SLMAP: variants seen among roughly 807,000 people sequenced by gnomAD.
The protein encoded by SLMAP is sarcolemmal membrane-associated protein.
SLMAP carries 44 observed loss-of-function variants against 128.8 expected under a neutral mutation model. The ratio of observed to expected loss-of-function variants is 0.34; its 90% CI spans 0.27 to 0.44. The LOEUF (loss-of-function observed/expected upper bound fraction) is 0.44. SLMAP is among the 20% of genes least tolerant of loss of function. The pLI is 1.00. For missense variants in SLMAP, 787 were observed against 985.3 expected (o/e 0.80, Z 2.69); for synonymous variants, 327 against 348.8 (o/e 0.94, Z 0.70).
intron 17 of SLMAP, among the ~76,000 whole-genome samples, chr3:57,902,451 A>G (rs185257748): frequency 2.0e-4 from 31 of 152,348 alleles, no homozygotes; most frequent in Admixed American, 1.2e-3. Context: ...CATTATAACA[A>G]TTCAGTGGCT....
intron 2 of SLMAP, among the ~76,000 whole-genome samples, chr3:57,793,119 C>G (rs201734667): frequency 1.3e-5 from 2 of 151,554 alleles, no homozygotes; most frequent in African/African-American, 4.9e-5. Flanking sequence ...GCCCAGGTGA[C>G]ACCCTGTCTC....
In SLMAP at chr3:57,756,838, C is replaced by T. The variant is rs2077762942; in HGVS notation, c.-814C>T. On this transcript the variant is annotated 5_prime_UTR_variant, in exon 2 of 25. Transcript: ENST00000671191. ...CCTGGGAACTCGAGCCTCCCGGTGT[C>T]GCGCCTCGCTCGGTCCGCACCGGCC... The T allele has an allele frequency of 6.6e-6, 1 of 152,276 alleles. No homozygotes were observed. The highest frequency in any genetic ancestry group is 1.5e-5 in the Non-Finnish European group (1 of 68,130). The allele number at this position is 152,276 out of a possible 1,614,324, so 9.4% of individuals were successfully genotyped here.
At chr3:57,914,382 A>G (rs1274735074) in intron 21 of SLMAP, among the ~76,000 whole-genome samples, 1 of 152,176 alleles carries the variant, frequency 6.6e-6, no homozygotes, top group African/African-American at 2.4e-5. Context: ...CAACAGAGCC[A>G]GTCCCATGTC....
chr3:57,841,851 T>A lies in SLMAP; in HGVS notation c.419+480T>A, dbSNP rs932417837. ...GATTTTTCCAATGTCCTATTTACTT[T>A]TTGTATGAAGGAGTGTAAAGGTCAT... On this transcript the variant is annotated intron_variant, in intron 4 of 24. Coordinates refer to ENST00000671191, the MANE Select transcript of SLMAP (RefSeq NM_001377540.1). 2.0e-5 allele frequency among the ~76,000 whole-genome samples: 3 copies of A among 152,110 alleles called. No homozygotes were observed. In the East Asian group the frequency reaches 5.8e-4, roughly 29 times the overall value.
At chr3:57,805,563 C>G (rs1484321789) in intron 2 of SLMAP, among the ~76,000 whole-genome samples, 3 of 152,182 alleles carry the variant, frequency 2.0e-5, no homozygotes, top group African/African-American at 7.2e-5. Context: ...TGTCGTAATT[C>G]AGGGCCTTAT....
At chr3:57,924,047 C>T (rs532476740) in intron 23 of SLMAP, among the ~76,000 whole-genome samples, 2 of 152,312 alleles carry the variant, frequency 1.3e-5, no homozygotes, top group African/African-American at 4.8e-5. Flanking sequence ...GGTTTGGTTA[C>T]TTCTCTTTTG....
At chr3:57,854,336 G>A (rs1577708445) in intron 6 of SLMAP, among the ~76,000 whole-genome samples, 1 of 156 alleles carries the variant, frequency 6.4e-3, no homozygotes, top group East Asian at 0.25. Flanking sequence ...GGGGCTCTTG[G>A]CCTGTAATCC....
chr3:57,847,391 A>G (rs1420669621), intron 5 of SLMAP, among the ~76,000 whole-genome samples, 158 bp downstream of exon 5: 1 of 152,218 alleles, frequency 6.6e-6, no homozygotes, highest in African/African-American at 2.4e-5. Context: ...CTGATCTTCA[A>G]TATCTGGAGA....
At chr3:57,873,655 C>T (rs2095535432) in intron 14 of SLMAP, among the ~76,000 whole-genome samples, 1 of 152,124 alleles carries the variant, frequency 6.6e-6, no homozygotes, top group Non-Finnish European at 1.5e-5. Flanking sequence ...TCCACTGATA[C>T]CAACTAAAAG....
At chr3:57,906,212 C>G (rs140005868) in intron 17 of SLMAP, among the ~76,000 whole-genome samples, 1 of 150,912 alleles carries the variant, frequency 6.6e-6, no homozygotes, top group Non-Finnish European at 1.5e-5. Context: ...ATCTCTCTCT[C>G]TACATGCCCC....
At chr3:57,926,828 C>A (rs533113076) in intron 24 of SLMAP, among the ~76,000 whole-genome samples, 2 of 152,300 alleles carry the variant, frequency 1.3e-5, no homozygotes, top group South Asian at 4.1e-4. Flanking sequence ...GTTGGACGAC[C>A]AAAGCCTAGA....
intron 15 of SLMAP, among the ~76,000 whole-genome samples, chr3:57,895,350 TTTTGAGACAGAGTC>T (rs1246558539): frequency 6.6e-6 from 1 of 152,106 alleles, no homozygotes; most frequent in Admixed American, 6.5e-5. Flanking sequence ...TCTTTCTTTA[TTTTGAGACAGAGTC>T]TTGCTCTGTC....
At chr3:57,840,639 A>C (rs545419364) in intron 3 of SLMAP, among the ~76,000 whole-genome samples, 5 of 152,346 alleles carry the variant, frequency 3.3e-5, no homozygotes, top group African/African-American at 1.2e-4. Context: ...AACAGTGAGA[A>C]GCTGTCTACA....
In SLMAP at chr3:57,757,885, C is replaced by T. The variant is rs147965227; in HGVS notation, c.198+36C>T. On this transcript the variant is annotated intron_variant, in intron 2 of 24. Transcript: ENST00000671191. ...CACATTGTCCAGCGGCATTGTTTAA[C>T]AAACTTTTTTTCCCCTTTTGCCCTC... The T allele has an allele frequency of 8.5e-5, 137 of 1,603,066 alleles. 1 individual carries two copies. In the African/African-American group the frequency reaches 1.6e-3, roughly 19 times the overall value.
At chr3:57,913,613 C>T (rs1226301475) in intron 21 of SLMAP, among the ~76,000 whole-genome samples, 2 of 152,192 alleles carry the variant, frequency 1.3e-5, no homozygotes, top group Non-Finnish European at 2.9e-5. Flanking sequence ...TTTTCTTTCA[C>T]ACCAGTGATC....
At chr3:57,765,850 T>C (rs2079559087) in intron 2 of SLMAP, among the ~76,000 whole-genome samples, 1 of 152,212 alleles carries the variant, frequency 6.6e-6, no homozygotes, top group African/African-American at 2.4e-5. Flanking sequence ...TAGTGGGAAA[T>C]TGATAAAATA....
intron 22 of SLMAP, among the ~76,000 whole-genome samples, chr3:57,919,592 C>T (rs1001468182): frequency 6.6e-6 from 1 of 151,680 alleles, no homozygotes; most frequent in African/African-American, 2.4e-5. Flanking sequence ...GTCGGCAGTT[C>T]GAGACCAGCC....
intron 2 of SLMAP, among the ~76,000 whole-genome samples, chr3:57,766,736 T>G (rs985268718): frequency 1.3e-5 from 2 of 152,234 alleles, no homozygotes. Context: ...GTTCACTGTT[T>G]CTAGAACAAG....
intron 15 of SLMAP, chr3:57,890,573 A>G (rs929996852): frequency 1.3e-5 from 2 of 152,826 alleles, no homozygotes; most frequent in African/African-American, 2.4e-5. Context: ...AACAAAATTA[A>G]TGACTTTTGT....
Sources: gnomAD v4.1 joint callset for allele counts (sites outside exome capture counted in the v4.1 genomes callset) on GRCh38, gnomAD v4.1.1 for gene constraint, MANE v1.5 for transcripts, NCBI Gene and HGNC (gene_info 2026-07-23, HGNC 2026-07-21) for gene names.